SPG7: variants seen among roughly 807,000 people sequenced by gnomAD.
SPG7 encodes SPG7 matrix AAA peptidase subunit, paraplegin.
SPG7 carries 103 observed loss-of-function variants against 81.9 expected under a neutral mutation model. The observed-to-expected ratio is 1.26, with a 90% CI of 1.07 to 1.48. The LOEUF is 1.48. SPG7 is among the 40% of genes most tolerant of loss of function. The probability of loss-of-function intolerance (pLI) is 0.00; values close to 1 mark genes in which losing one functional copy is unlikely to be tolerated. For synonymous variants in SPG7, 534 were observed against 444.2 expected (o/e 1.20, Z -2.54); for missense variants, 1,241 against 1,087.3 (o/e 1.14, Z -1.99).
intron 3 of SPG7, chr16:89,521,536 C>T (rs2058187818): frequency 6.6e-6 from 1 of 152,210 alleles, no homozygotes; most frequent in Non-Finnish European, 1.5e-5. Context: ...TGAGCTCAGT[C>T]GTTTGAGACT....
chr16:89,537,195 G>A (rs2058437167), intron 9 of SPG7: 12 of 1,431,700 alleles, frequency 8.4e-6, no homozygotes, highest in East Asian at 7.5e-5. Flanking sequence ...ACGCTGTGCC[G>A]GTCGTGGGGA....
chr16:89,548,119 G>C lies in SPG7; in HGVS notation c.1663+6G>C. 4 of 1,593,624 alleles carry C rather than the reference G, an allele frequency of 2.5e-6. No individual in the cohort carries two copies. Among genetic ancestry groups the C allele is most frequent in the Non-Finnish European group, 2.6e-6 (3 of 1,171,052 alleles). On this transcript the variant is annotated splice_donor_region_variant and intron_variant, in intron 12 of 16. Coordinates refer to ENST00000645818, the MANE Select transcript of SPG7 (RefSeq NM_003119.4). ...CGTGGAGCGCGTCCTCGCAGGTACAGGGGGCGCGCCCTGGGTGAAGGCCCT... is the reference window on the plus strand; with the variant it reads ...CGTGGAGCGCGTCCTCGCAGGTACACGGGGCGCGCCCTGGGTGAAGGCCCT...
At chr16:89,536,510 CGGGTG>C (rs1483956885) in intron 9 of SPG7, among the ~76,000 whole-genome samples, 1,241 of 36,184 alleles carry the variant, frequency 0.034, 289 homozygotes, top group Middle Eastern at 0.12. Flanking sequence ...TGAGGTGAGG[CGGGTG>C]AGGTCAGGTG....
At chr16:89,516,806 A>C (rs1206728919) in intron 3 of SPG7, 1 of 148,516 alleles carries the variant, frequency 6.7e-6, no homozygotes, top group Non-Finnish European at 1.5e-5. Context: ...CGAAGCTTGC[A>C]GTGAGCCGAG....
intron 10 of SPG7, chr16:89,545,234 G>C (rs1017577474): frequency 6.5e-6 from 2 of 307,236 alleles, no homozygotes; most frequent in Non-Finnish European, 1.3e-5. Context: ...GGTGGGAGTA[G>C]AAGTCCTGAG....
At chr16:89,551,947 A>G (rs952877974) in intron 13 of SPG7, 1 of 152,256 alleles carries the variant, frequency 6.6e-6, no homozygotes, top group Non-Finnish European at 1.5e-5. Flanking sequence ...AGATAGTCAC[A>G]ATGAAAAAGT....
At chr16:89,535,561 C>T (rs2058402873) in intron 9 of SPG7, among the ~76,000 whole-genome samples, 1 of 152,202 alleles carries the variant, frequency 6.6e-6, no homozygotes, top group Non-Finnish European at 1.5e-5. Flanking sequence ...TCTGCACACA[C>T]AGCAAGTGGT....
chr16:89,529,893 G>A, intron 6 of SPG7: 1 of 388,938 alleles, frequency 2.6e-6, no homozygotes, highest in South Asian at 2.2e-5. Flanking sequence ...AGGCTGGAGT[G>A]CAGCCGTGCG....
chr16:89,541,446 G>A (rs1386473101), intron 9 of SPG7: 7 of 559,592 alleles, frequency 1.3e-5, no homozygotes, highest in African/African-American at 6.1e-5. Context: ...GTTGTCAGCA[G>A]TTAGGGGAGG....
chr16:89,547,987 C>T lies in SPG7; in HGVS notation c.1553-16C>T. 1.9e-6 allele frequency: 3 copies of T among 1,602,946 alleles called. No homozygotes were observed. Among genetic ancestry groups the T allele is most frequent in the Non-Finnish European group, 2.6e-6 (3 of 1,170,960 alleles). On this transcript the variant is annotated splice_polypyrimidine_tract_variant and intron_variant, in intron 11 of 16. Coordinates refer to ENST00000645818, the MANE Select transcript of SPG7 (RefSeq NM_003119.4). ...AGAAACCCACCCACCCACACCGTGG[C>T]TGTTTGTGTTGACAGGGGCTGACAT... is the stretch of plus-strand genomic sequence containing the variant.
At chr16:89,525,418 T>C (rs2058247441) in intron 4 of SPG7, among the ~76,000 whole-genome samples, 1 of 152,188 alleles carries the variant, frequency 6.6e-6, no homozygotes, top group Non-Finnish European at 1.5e-5. Context: ...TATGCTCAGC[T>C]CTAGACGAGT....
At chr16:89,511,876 G>C (rs1034759232) in intron 2 of SPG7, among the ~76,000 whole-genome samples, 1 of 151,806 alleles carries the variant, frequency 6.6e-6, no homozygotes, top group Non-Finnish European at 1.5e-5. Flanking sequence ...GTGTCACCAC[G>C]TACAGCTACA....
intron 7 of SPG7, chr16:89,531,025 A>G (rs1213414109): frequency 4.5e-6 from 3 of 663,342 alleles, no homozygotes; most frequent in Non-Finnish European, 8.1e-6. Flanking sequence ...GAGGCTGCCA[A>G]GACCCATGCC....
intron 1 of SPG7, among the ~76,000 whole-genome samples, chr16:89,509,612 G>A (rs1424609181): frequency 1.3e-5 from 2 of 151,972 alleles, no homozygotes; most frequent in Admixed American, 6.6e-5. Flanking sequence ...GTATATACTT[G>A]TTAACTGGTT....
In SPG7 at chr16:89,510,666, T is replaced by G. The variant is rs2058007963; in HGVS notation, c.286+74T>G. 4.3e-6 allele frequency: 4 copies of G among 933,578 alleles called. No homozygotes were observed. The East Asian group carries it at 9.7e-5, about 23-fold the overall frequency. The allele number at this position is 933,578 out of a possible 1,614,324, so 57.8% of individuals were successfully genotyped here. A position where few individuals can be genotyped will look rare whatever the true frequency, so the allele number is the denominator to read the frequency against. On this transcript the variant is annotated intron_variant, in intron 2 of 16. Coordinates refer to ENST00000645818, the MANE Select transcript of SPG7 (RefSeq NM_003119.4). ...CCTCAGCTACTTGGGAGGCTGATCT[T>G]TTTTTATTTTAGAGACGGGATCTCG...
At chr16:89,550,207 C>T (rs540952454) in intron 12 of SPG7, 27 of 387,986 alleles carry the variant, frequency 7.0e-5, no homozygotes, top group South Asian at 5.5e-4. Context: ...GAGTCTTGCT[C>T]TGTCGCCCAG....
chr16:89,523,645 G>A (rs1167806358), intron 3 of SPG7: 3 of 460,274 alleles, frequency 6.5e-6, no homozygotes, highest in East Asian at 6.8e-5. Context: ...ACAGTGGCGC[G>A]ATCACGGCTC....
rs757753686 is a variant in SPG7, at chr16:89,530,749, G to C, written c.928G>C (p.Asp310His). 6.2e-7 allele frequency: 1 copy of C among 1,614,188 alleles called. No individual in the cohort carries two copies. Among genetic ancestry groups the C allele is most frequent in the East Asian group, 2.2e-5 (1 of 44,892 alleles). Residue 310 changes from aspartate (D) to histidine (H), a missense_variant, in exon 7 of 17, where the codon GAC becomes CAC. Asp to His is a moderately conservative substitution (Grantham distance 81). Transcript: ENST00000645818. ...GATGGGGAAAGGAGTCAGCTTCAAA[G>C]ACGTGGCAGGAATGCACGAAGCCAA... is the stretch of plus-strand genomic sequence containing the variant. ...GKMGKGVSFKDVAGMHEAKLE... is the reference protein window; with the variant it reads ...GKMGKGVSFKHVAGMHEAKLE...
chr16:89,536,962 A>T, intron 9 of SPG7: 1 of 1,614,070 alleles, frequency 6.2e-7, no homozygotes. Context: ...AGCGTATATC[A>T]AACGATCTTC....
Sources: gnomAD v4.1 joint callset for allele counts (sites outside exome capture counted in the v4.1 genomes callset) on GRCh38, gnomAD v4.1.1 for gene constraint, MANE v1.5 for transcripts, NCBI Gene and HGNC (gene_info 2026-07-23, HGNC 2026-07-21) for gene names.